The following ASAP2 variants were observed in gnomAD, a reference collection of about 807,000 sequenced individuals.
ASAP2 encodes the protein ArfGAP with SH3 domain, ankyrin repeat and PH domain 2.
A neutral mutation model predicts 131.4 loss-of-function variants in ASAP2; 45 were observed. That is an observed-to-expected ratio of 0.34 (90% CI 0.27 to 0.44). The LOEUF is 0.44. Among genes scored for constraint, ASAP2 ranks in the 20% least tolerant of loss-of-function variants. ASAP2 has a pLI of 1.00. For synonymous variants in ASAP2, 510 were observed against 503.0 expected (o/e 1.01, Z -0.19); for missense variants, 1,011 against 1,297.0 (o/e 0.78, Z 3.39).
At chr2:9,210,981 C>A (rs543835421) in intron 1 of ASAP2, among the ~76,000 whole-genome samples, 88 of 152,012 alleles carry the variant, frequency 5.8e-4, no homozygotes, top group Non-Finnish European at 1.2e-3. Flanking sequence ...CATGGAGAAA[C>A]CCTGTCTCTA....
intron 3 of ASAP2, among the ~76,000 whole-genome samples, chr2:9,304,992 A>G (rs777931555): frequency 1.2e-4 from 12 of 100,600 alleles, no homozygotes; most frequent in Non-Finnish European, 1.6e-4. Flanking sequence ...TTGGTGGACA[A>G]GCTGGAGTAG....
At chr2:9,381,647 G>T (rs1674851095) in intron 20 of ASAP2, among the ~76,000 whole-genome samples, 1 of 152,202 alleles carries the variant, frequency 6.6e-6, no homozygotes, top group Non-Finnish European at 1.5e-5. Flanking sequence ...AAGGTAGGAG[G>T]ATCACTTTGA....
intron 12 of ASAP2, among the ~76,000 whole-genome samples, chr2:9,351,746 A>G (rs1407228705): frequency 6.6e-6 from 1 of 152,156 alleles, no homozygotes. Context: ...GTCACTTGTT[A>G]TGTGATTCAG....
intron 1 of ASAP2, among the ~76,000 whole-genome samples, chr2:9,274,661 C>T (rs1035810307): frequency 6.6e-6 from 1 of 152,140 alleles, no homozygotes; most frequent in African/African-American, 2.4e-5. Context: ...GCTTCTCGTC[C>T]TGACCAAGTT....
chr2:9,276,028 G>A (rs1443591349), intron 1 of ASAP2, among the ~76,000 whole-genome samples: 3 of 152,216 alleles, frequency 2.0e-5, no homozygotes, highest in East Asian at 3.8e-4. Flanking sequence ...TGTGCACGTA[G>A]TAAGTCCTGG....
chr2:9,256,766 C>G (rs964922621), intron 1 of ASAP2, among the ~76,000 whole-genome samples: 2 of 152,202 alleles, frequency 1.3e-5, no homozygotes, highest in African/African-American at 4.8e-5. Context: ...TGCATTTGAG[C>G]AATTTGTATT....
At position 9,334,826 on chromosome 2, in the gene ASAP2, C is replaced by G. The variant is rs1170076493; in HGVS notation, c.762+13C>G. 1 of 1,608,908 alleles carries G rather than the reference C, an allele frequency of 6.2e-7. No individual in the cohort carries two copies. Among genetic ancestry groups the G allele is most frequent in the African/African-American group, 1.3e-5 (1 of 74,854 alleles). The stretch of plus-strand genomic sequence containing the variant: ...GGATCTTCACACGGTGAGTAGCTTC[C>G]CTCCCACTGTGGTTTAAAACCATCT... On this transcript the variant is annotated intron_variant, in intron 8 of 27. Coordinates refer to ENST00000281419, the MANE Select transcript of ASAP2 (RefSeq NM_003887.3).
intron 1 of ASAP2, among the ~76,000 whole-genome samples, chr2:9,231,408 T>G (rs1663152812): frequency 6.6e-6 from 1 of 152,212 alleles, no homozygotes; most frequent in South Asian, 2.1e-4. Context: ...GCATCTGGTA[T>G]GGAGGCAACA....
intron 2 of ASAP2, among the ~76,000 whole-genome samples, chr2:9,291,363 C>T (rs774297083): frequency 3.9e-5 from 6 of 152,196 alleles, no homozygotes; most frequent in Non-Finnish European, 8.8e-5. Flanking sequence ...TTCTCTCTCA[C>T]GAGATGTCCA....
chr2:9,376,701 T>A (rs1338571342), intron 17 of ASAP2, among the ~76,000 whole-genome samples: 1 of 152,066 alleles, frequency 6.6e-6, no homozygotes, highest in Non-Finnish European at 1.5e-5. Flanking sequence ...TCCCATGGAG[T>A]CAGGAGAAAC....
At chr2:9,315,636 T>C (rs893047666) in intron 3 of ASAP2, among the ~76,000 whole-genome samples, 2 of 152,110 alleles carry the variant, frequency 1.3e-5, no homozygotes, top group African/African-American at 2.4e-5. Flanking sequence ...GTTTCATTCC[T>C]CACTCACCTG....
chr2:9,218,797 T>C (rs537923538), intron 1 of ASAP2, among the ~76,000 whole-genome samples: 5 of 152,356 alleles, frequency 3.3e-5, no homozygotes, highest in African/African-American at 1.2e-4. Context: ...TTGCTTTTTT[T>C]GGCTGTCGTC....
chr2:9,376,334 C>T (rs556255339), intron 17 of ASAP2, among the ~76,000 whole-genome samples: 1 of 152,380 alleles, frequency 6.6e-6, no homozygotes, highest in East Asian at 1.9e-4. Context: ...TCTCACCCAC[C>T]CACCTGCTGA....
At chr2:9,301,274 A>G (rs1463895597) in intron 3 of ASAP2, among the ~76,000 whole-genome samples, 1 of 152,210 alleles carries the variant, frequency 6.6e-6, no homozygotes, top group Admixed American at 6.5e-5. Context: ...AGCAGTTGGA[A>G]GATCTCCAGA....
chr2:9,368,582 G>T, intron 16 of ASAP2, 63 bp downstream of exon 16: 2 of 1,428,152 alleles, frequency 1.4e-6, no homozygotes, highest in Admixed American at 1.7e-5. Flanking sequence ...CGAGCCCCGG[G>T]AGGCAGGGGA....
Position 9,389,954 on chromosome 2 carries a change from G to A in ASAP2, c.2384-1108G>A, listed in dbSNP as rs926272400. On this transcript the variant is annotated intron_variant, in intron 22 of 27. Transcript: ENST00000281419. This position sits in a 1 kb window ranked among gnomAD's most constrained non-coding sequence, Gnocchi z 4.7. ...CTGCAGGCAGGCATCAATTTTCTAC[G>A]GCCCACAATCAAGATGATTTTGATC... is the stretch of plus-strand genomic sequence containing the variant. 3.9e-5 allele frequency among the ~76,000 whole-genome samples: 6 copies of A among 152,074 alleles called. No homozygotes were observed. The highest frequency in any genetic ancestry group is 9.7e-5 in the African/African-American group (4 of 41,396).
intron 1 of ASAP2, among the ~76,000 whole-genome samples, chr2:9,248,331 A>G (rs1315147908): frequency 6.6e-6 from 1 of 152,236 alleles, no homozygotes; most frequent in Non-Finnish European, 1.5e-5. Flanking sequence ...TCTGTTTTAT[A>G]ACCAAGATGG....
intron 1 of ASAP2, among the ~76,000 whole-genome samples, chr2:9,236,425 C>A (rs1663555257): frequency 6.6e-6 from 1 of 152,012 alleles, no homozygotes; most frequent in African/African-American, 2.4e-5. Flanking sequence ...TGTTTTTTAA[C>A]CTGTGTTGTG....
intron 18 of ASAP2, 107 bp from the exon 19 acceptor site, chr2:9,378,837 G>T (rs1674604526): frequency 1.5e-6 from 1 of 671,482 alleles, no homozygotes; most frequent in Non-Finnish European, 2.2e-6. Flanking sequence ...TTCACTCGGG[G>T]ACTGTCTGCC....
Sources: allele counts gnomAD v4.1 joint callset (sites outside exome capture counted in the v4.1 genomes callset), GRCh38; gene constraint gnomAD v4.1.1; non-coding constraint Gnocchi (gnomAD v3.1); transcripts MANE v1.5; gene names NCBI Gene and HGNC (gene_info 2026-07-23, HGNC 2026-07-21).